Variants in TUSC3 observed in about 807,000 individuals in gnomAD.
TUSC3 encodes tumor suppressor candidate 3.
A neutral mutation model predicts 44.8 loss-of-function variants in TUSC3; 45 were observed. The observed-to-expected ratio is 1.00, with a 90% CI of 0.79 to 1.29. The LOEUF is 1.29. TUSC3 is among the 50% of genes most tolerant of loss of function. The pLI, the probability that TUSC3 is intolerant of heterozygous loss-of-function variation, is 0.00. For synonymous variants in TUSC3, 212 were observed against 152.9 expected (o/e 1.39, Z -2.85); for missense variants, 519 against 437.9 (o/e 1.19, Z -1.65).
At chr8:15,495,898 C>T (rs2129126347) in intron 2 of TUSC3, among the ~76,000 whole-genome samples, 1 of 152,228 alleles carries the variant, frequency 6.6e-6, no homozygotes, top group Admixed American at 6.5e-5. Flanking sequence ...TATTTTGCCT[C>T]CAGGGTCACT....
At chr8:15,615,240 A>G (rs190054350) in intron 1 of TUSC3, among the ~76,000 whole-genome samples, 5 of 152,370 alleles carry the variant, frequency 3.3e-5, no homozygotes, top group Admixed American at 2.6e-4. Context: ...ATGGATAACA[A>G]AAGTGTTGTA....
chr8:15,436,743 T>C (rs1484529107), intron 1 of TUSC3, among the ~76,000 whole-genome samples: 4 of 152,094 alleles, frequency 2.6e-5, no homozygotes, highest in Non-Finnish European at 5.9e-5. Context: ...TCTATAGGTG[T>C]TTCATAGTGT....
chr8:15,490,816 G>C (rs1047196282), intron 2 of TUSC3, among the ~76,000 whole-genome samples: 3 of 152,184 alleles, frequency 2.0e-5, no homozygotes, highest in African/African-American at 7.2e-5. Context: ...TCACAAGCTA[G>C]ATTTGTGTTG....
chr8:15,481,465 C>CA (rs1800660056), intron 1 of TUSC3, among the ~76,000 whole-genome samples: 1 of 152,016 alleles, frequency 6.6e-6, no homozygotes, highest in Non-Finnish European at 1.5e-5. Flanking sequence ...AGGCCCTCAC[C>CA]AAATGCCAGT....
intron 1 of TUSC3, among the ~76,000 whole-genome samples, chr8:15,453,490 A>G (rs1364659145): frequency 1.3e-5 from 2 of 152,164 alleles, no homozygotes; most frequent in Non-Finnish European, 2.9e-5. Flanking sequence ...AGTCTTGTCA[A>G]CTTGTGCAAA....
chr8:15,692,377 T>G (rs1327610738), intron 6 of TUSC3, among the ~76,000 whole-genome samples: 3 of 33,848 alleles, frequency 8.9e-5, no homozygotes, highest in African/African-American at 2.3e-4. Context: ...CCCCCTTTGT[T>G]TTTTTTTTTT....
chr8:15,751,016 A>C (rs940666509), intron 9 of TUSC3, among the ~76,000 whole-genome samples: 4 of 152,280 alleles, frequency 2.6e-5, no homozygotes, highest in African/African-American at 9.6e-5. Context: ...AAACAGTGTG[A>C]CCTGCTGTGT....
chr8:15,844,174 AAT>A, the TUSC3 span, among the ~76,000 whole-genome samples: 1 of 151,990 alleles, frequency 6.6e-6, no homozygotes, highest in Admixed American at 6.5e-5. Flanking sequence ...TGGCAAAAAA[AAT>A]ATCTCTTTGT....
chr8:15,713,808 G>A (rs1190805981), intron 6 of TUSC3, among the ~76,000 whole-genome samples: 1 of 152,034 alleles, frequency 6.6e-6, no homozygotes, highest in African/African-American at 2.4e-5. Context: ...ATATTCTGAG[G>A]TACTGGGGGT....
At chr8:15,584,478 A>G (rs932830581) in intron 1 of TUSC3, among the ~76,000 whole-genome samples, 1 of 152,236 alleles carries the variant, frequency 6.6e-6, no homozygotes, top group Non-Finnish European at 1.5e-5. Context: ...TAAAGAAAGT[A>G]CATCCTTTTC....
chr8:15,497,283 A>G (rs936040764), intron 2 of TUSC3, among the ~76,000 whole-genome samples: 2 of 152,192 alleles, frequency 1.3e-5, no homozygotes. Flanking sequence ...GGTGATTTAA[A>G]GAGGGCCCAG....
intron 1 of TUSC3, among the ~76,000 whole-genome samples, chr8:15,425,231 G>A (rs944116314): frequency 6.6e-6 from 1 of 152,144 alleles, no homozygotes; most frequent in African/African-American, 2.4e-5. Flanking sequence ...GGAAACAGTG[G>A]AAAAAATGAC....
intron 2 of TUSC3, among the ~76,000 whole-genome samples, chr8:15,638,638 G>A (rs1713980365): frequency 6.8e-6 from 1 of 147,302 alleles, no homozygotes; most frequent in Non-Finnish European, 1.5e-5. Flanking sequence ...TGATTCCCCT[G>A]CTGCAGCCTC....
At position 15,639,986 on chromosome 8, in the gene TUSC3, A is replaced by G. The variant is rs748323614; in HGVS notation, c.309-10711A>G. On this transcript the variant is annotated intron_variant, in intron 2 of 10. Transcript: ENST00000503731. Reference sequence around the variant, plus strand: ...AGAGAGTTAACATAGCAGGCCTGAGATTGTTATCGTTAGAAAGGGGAGCTC... The same window carrying G: ...AGAGAGTTAACATAGCAGGCCTGAGGTTGTTATCGTTAGAAAGGGGAGCTC... Among the ~76,000 whole-genome samples the G allele has an allele frequency of 2.0e-5, 3 of 152,106 alleles. No homozygotes were observed. In the South Asian group the frequency reaches 6.2e-4, roughly 31 times the overall value.
At chr8:15,810,982 C>G in the TUSC3 span, among the ~76,000 whole-genome samples, 93 of 152,094 alleles carry the variant, frequency 6.1e-4, 4 homozygotes, top group Non-Finnish European at 4.4e-5. Context: ...AGCTTATAGA[C>G]ATTCTCCTTA....
chr8:15,514,724 A>C (rs759377246), intron 2 of TUSC3, among the ~76,000 whole-genome samples: 7 of 152,180 alleles, frequency 4.6e-5, no homozygotes, highest in Admixed American at 2.6e-4. Flanking sequence ...TATTTATTTT[A>C]TGAAGACACA....
intron 6 of TUSC3, among the ~76,000 whole-genome samples, chr8:15,709,449 A>AATCC (rs1429711600): frequency 6.6e-6 from 1 of 151,924 alleles, no homozygotes; most frequent in Non-Finnish European, 1.5e-5. Flanking sequence ...AGCTCTAGTT[A>AATCC]ATCCATATTC....
the TUSC3 span, among the ~76,000 whole-genome samples, chr8:15,838,047 A>C: frequency 4.0e-5 from 6 of 149,168 alleles, no homozygotes; most frequent in Non-Finnish European, 8.9e-5. Flanking sequence ...GGAGATAGCC[A>C]ATTCTATAGT....
chr8:15,743,124 A>C (rs1811264375), intron 7 of TUSC3, among the ~76,000 whole-genome samples: 2 of 152,228 alleles, frequency 1.3e-5, no homozygotes. Flanking sequence ...AAAATCTATG[A>C]AAAAATGCTT....
Sources: gnomAD v4.1 joint callset for allele counts (sites outside exome capture counted in the v4.1 genomes callset) on GRCh38, gnomAD v4.1.1 for gene constraint, MANE v1.5 for transcripts, NCBI Gene and HGNC (gene_info 2026-07-23, HGNC 2026-07-21) for gene names.